The following XKR9 variants were observed in gnomAD, a reference collection of about 807,000 sequenced individuals.
XKR9 encodes XK-related protein 9.
Under a neutral mutation model 32.0 loss-of-function variants are expected in XKR9, and 32 were observed. The ratio of observed to expected loss-of-function variants is 1.00; its 90% CI spans 0.76 to 1.34. The LOEUF is 1.34. XKR9 is among the 40% of genes most tolerant of loss of function. The pLI, the probability that XKR9 is intolerant of heterozygous loss-of-function variation, is 0.00. For synonymous variants in XKR9, 168 were observed against 143.4 expected (o/e 1.17, Z -1.22); for missense variants, 546 against 429.7 (o/e 1.27, Z -2.39).
chr8:71,020,640 A>G, the XKR9 span, among the ~76,000 whole-genome samples: 26 of 152,326 alleles, frequency 1.7e-4, 1 homozygote, highest in Middle Eastern at 0.01. Context: ...TAGTTGATAC[A>G]TAATATTTTT....
At chr8:70,716,123 A>C (rs1806079731) in intron 4 of XKR9, among the ~76,000 whole-genome samples, 1 of 152,162 alleles carries the variant, frequency 6.6e-6, no homozygotes, top group African/African-American at 2.4e-5. Context: ...CCAGAAAAAA[A>C]GGAACTAGTA....
At chr8:71,039,383 A>C in the XKR9 span, among the ~76,000 whole-genome samples, 1 of 152,300 alleles carries the variant, frequency 6.6e-6, no homozygotes, top group African/African-American at 2.4e-5. Flanking sequence ...AGTTGGGCAA[A>C]ATCATCTAAC....
At chr8:70,836,879 G>C in the XKR9 span, among the ~76,000 whole-genome samples, 1 of 151,950 alleles carries the variant, frequency 6.6e-6, no homozygotes, top group South Asian at 2.1e-4. Context: ...TCTTCTACTG[G>C]TTCAACATAT....
the XKR9 span, among the ~76,000 whole-genome samples, chr8:70,859,357 A>G: frequency 2.0e-5 from 3 of 152,170 alleles, no homozygotes; most frequent in Admixed American, 2.0e-4. Flanking sequence ...AAATAAGGCA[A>G]TAACAGATGC....
At chr8:71,064,210 AG>A in the XKR9 span, among the ~76,000 whole-genome samples, 7 of 152,148 alleles carry the variant, frequency 4.6e-5, no homozygotes, top group Non-Finnish European at 1.0e-4. Flanking sequence ...AATTTTTTGA[AG>A]TACTTGAAAA....
At chr8:70,935,392 C>T in the XKR9 span, among the ~76,000 whole-genome samples, 1 of 151,646 alleles carries the variant, frequency 6.6e-6, no homozygotes, top group Non-Finnish European at 1.5e-5. Flanking sequence ...ATATTGTAAA[C>T]AATTCTTCAG....
At chr8:70,743,258 A>G (rs941497791) in intron 2 of XKR9, among the ~76,000 whole-genome samples, 2 of 151,868 alleles carry the variant, frequency 1.3e-5, no homozygotes, top group African/African-American at 4.8e-5. Context: ...TATGGTTTCT[A>G]TTTCTTTGCT....
the XKR9 span, among the ~76,000 whole-genome samples, chr8:71,003,843 G>A: frequency 5.9e-5 from 9 of 152,204 alleles, no homozygotes; most frequent in Non-Finnish European, 1.3e-4. Flanking sequence ...TTCCCAAGAA[G>A]TAATGTCCTC....
At chr8:70,796,808 A>C in the XKR9 span, among the ~76,000 whole-genome samples, 5 of 152,212 alleles carry the variant, frequency 3.3e-5, no homozygotes, top group East Asian at 9.6e-4. Context: ...ACCACTTAAT[A>C]CATATTTGTT....
At chr8:70,857,269 C>T in the XKR9 span, among the ~76,000 whole-genome samples, 3 of 152,046 alleles carry the variant, frequency 2.0e-5, no homozygotes, top group African/African-American at 7.2e-5. Flanking sequence ...CAAATAGACA[C>T]AATAAAAAAT....
chr8:70,743,379 T>A (rs536156426), intron 2 of XKR9, among the ~76,000 whole-genome samples: 1 of 152,330 alleles, frequency 6.6e-6, no homozygotes, highest in South Asian at 2.1e-4. Context: ...CTGGGTCATT[T>A]TGGGATTGGT....
rs543935049 is a variant in XKR9 at position 70,751,597 on chromosome 8, G to A, written n.353-37742G>A. On this transcript the variant is annotated intron_variant and non_coding_transcript_variant, in intron 2 of 3. Coordinates refer to the XKR9 transcript ENST00000520273. ...CACCCAATATGGGTAGGTACCATAC[G>A]ATCATTTGAGGGCCTGGATGGAACA... Among the ~76,000 whole-genome samples, 9 of 152,262 alleles carry A rather than the reference G, an allele frequency of 5.9e-5. No individual in the cohort carries two copies. The South Asian group carries it at 8.3e-4, about 14-fold the overall frequency.
the XKR9 span, among the ~76,000 whole-genome samples, chr8:70,911,663 C>A: frequency 7.2e-5 from 11 of 152,112 alleles, no homozygotes; most frequent in Non-Finnish European, 1.5e-4. Context: ...AGTATGAAAC[C>A]AAACAGATGA....
At chr8:71,020,830 C>T in the XKR9 span, among the ~76,000 whole-genome samples, 2 of 152,202 alleles carry the variant, frequency 1.3e-5, no homozygotes, top group Non-Finnish European at 2.9e-5. Flanking sequence ...TATCACCCTA[C>T]TTTGCTATCA....
chr8:70,870,879 GAAAA>G, the XKR9 span, among the ~76,000 whole-genome samples: 2 of 152,132 alleles, frequency 1.3e-5, no homozygotes, highest in Non-Finnish European at 1.5e-5. Flanking sequence ...AATAACAAAA[GAAAA>G]GAAAGATAAG....
chr8:70,943,505 T>C, the XKR9 span, among the ~76,000 whole-genome samples: 51 of 152,210 alleles, frequency 3.4e-4, no homozygotes, highest in African/African-American at 2.4e-5. Context: ...AAGGTAAATA[T>C]TTGGCTAAAT....
intron 3 of XKR9, among the ~76,000 whole-genome samples, chr8:70,691,870 TG>T (rs781600518): frequency 1.2e-4 from 19 of 152,212 alleles, no homozygotes; most frequent in Non-Finnish European, 2.9e-5. Context: ...TTGTTCTTTT[TG>T]CTTAGGATTG....
chr8:70,761,255 G>A (rs1807305155), intron 2 of XKR9, among the ~76,000 whole-genome samples: 1 of 152,168 alleles, frequency 6.6e-6, no homozygotes, highest in Non-Finnish European at 1.5e-5. Context: ...GTTGAATGGT[G>A]TTTCTGTCTC....
At chr8:70,675,938 T>A (rs1262772922) in intron 2 of XKR9, among the ~76,000 whole-genome samples, 1 of 152,232 alleles carries the variant, frequency 6.6e-6, no homozygotes. Context: ...TTCAGGTATC[T>A]TTATAGCAAA....
Sources: gnomAD v4.1 joint callset for allele counts (sites outside exome capture counted in the v4.1 genomes callset) on GRCh38, gnomAD v4.1.1 for gene constraint, MANE v1.5 for transcripts, NCBI Gene and HGNC (gene_info 2026-07-23, HGNC 2026-07-21) for gene names.